Variants in LUC7L2 observed in about 807,000 individuals in gnomAD.
LUC7L2 encodes the protein putative RNA-binding protein Luc7-like 2.
A neutral mutation model predicts 52.8 loss-of-function variants in LUC7L2; 25 were observed. That is an observed-to-expected ratio of 0.47 (90% confidence interval 0.34 to 0.66). The LOEUF is 0.66. Ranked by LOEUF, LUC7L2 falls within the 30% of genes least tolerant of loss-of-function variation. The pLI is 0.01. For synonymous variants in LUC7L2, 144 were observed against 160.9 expected (o/e 0.89, Z 0.80); for missense variants, 328 against 497.8 (o/e 0.66, Z 3.25).
At chr7:139,404,478 C>T (rs1362463672) in intron 4 of LUC7L2, among the ~76,000 whole-genome samples, 1 of 152,202 alleles carries the variant, frequency 6.6e-6, no homozygotes, top group African/African-American at 2.4e-5. Flanking sequence ...CACTGCACTC[C>T]AGCCTGGGCG....
intron 9 of LUC7L2, among the ~76,000 whole-genome samples, chr7:139,419,527 A>C (rs1002170664): frequency 3.9e-5 from 6 of 152,238 alleles, no homozygotes; most frequent in African/African-American, 1.4e-4. Flanking sequence ...TTATCTGCAC[A>C]ATGAATTTTC....
At chr7:139,381,719 GAC>G (rs553086909) in intron 2 of LUC7L2, among the ~76,000 whole-genome samples, 133 of 151,420 alleles carry the variant, frequency 8.8e-4, no homozygotes, top group Middle Eastern at 7.0e-3. Context: ...TGAGATTACA[GAC>G]ACACGCCACC....
At chr7:139,394,707 G>T (rs1464708319) in intron 2 of LUC7L2, among the ~76,000 whole-genome samples, 1 of 152,182 alleles carries the variant, frequency 6.6e-6, no homozygotes, top group African/African-American at 2.4e-5. Flanking sequence ...AATCTCTGTG[G>T]TGAGCTTTCT....
chr7:139,387,738 G>A (rs1028197793), intron 2 of LUC7L2, among the ~76,000 whole-genome samples: 3 of 152,022 alleles, frequency 2.0e-5, no homozygotes, highest in African/African-American at 7.3e-5. Flanking sequence ...TGAATAAATC[G>A]TATAAGTTGT....
chr7:139,351,966 G>A (rs1799471099), intron 1 of LUC7L2, among the ~76,000 whole-genome samples: 1 of 151,834 alleles, frequency 6.6e-6, no homozygotes, highest in Non-Finnish European at 1.5e-5. Context: ...AGGCCTGGAT[G>A]GGAGGACTGC....
At chr7:139,400,810 GTTGTGA>G (rs1363394371) in intron 3 of LUC7L2, among the ~76,000 whole-genome samples, 1 of 151,996 alleles carries the variant, frequency 6.6e-6, no homozygotes. Context: ...ATAGATTTCT[GTTGTGA>G]TTTAAAAATT....
At chr7:139,366,715 TC>T (rs1800175246) in intron 1 of LUC7L2, among the ~76,000 whole-genome samples, 1 of 152,222 alleles carries the variant, frequency 6.6e-6, no homozygotes, top group Non-Finnish European at 1.5e-5. Flanking sequence ...AGCTTGTTGA[TC>T]ACCATTCTGG....
chr7:139,411,260 A>C (rs1795348540), intron 7 of LUC7L2, among the ~76,000 whole-genome samples: 1 of 152,242 alleles, frequency 6.6e-6, no homozygotes, highest in Admixed American at 6.5e-5. Flanking sequence ...AACATTAAAA[A>C]AAAGTCGTTG....
At position 139,422,956 on chromosome 7, in the gene LUC7L2, T is replaced by C; in HGVS notation, c.*616T>C. 2.5e-6 allele frequency: 1 copy of C among 398,874 alleles called. No homozygotes were observed. Among genetic ancestry groups the C allele is most frequent in the South Asian group, 1.3e-4 (1 of 7,858 alleles). 24.7% of individuals were successfully genotyped at this position (398,874 alleles called of 1,614,324 possible). On this transcript the variant is annotated 3_prime_UTR_variant, in exon 10 of 10. Transcript: ENST00000354926. Reference sequence around the variant, plus strand: ...GAACAGCTGTTGCATTACATACTTTTGCTTTTTTATTGAAATTTTGAAATC... The same window carrying C: ...GAACAGCTGTTGCATTACATACTTTCGCTTTTTTATTGAAATTTTGAAATC...
At chr7:139,396,973 A>G (rs551663703) in intron 2 of LUC7L2, among the ~76,000 whole-genome samples, 1 of 152,258 alleles carries the variant, frequency 6.6e-6, no homozygotes, top group South Asian at 2.1e-4. Context: ...GATCTCGTGC[A>G]TTAGCTATCC....
chr7:139,400,251 A>C (rs929325882), intron 3 of LUC7L2, among the ~76,000 whole-genome samples: 2 of 152,140 alleles, frequency 1.3e-5, no homozygotes, highest in Non-Finnish European at 2.9e-5. Context: ...GGGAGGCTGT[A>C]ATCCCAGCAC....
At chr7:139,385,674 A>G (rs956304140) in intron 2 of LUC7L2, among the ~76,000 whole-genome samples, 1 of 152,202 alleles carries the variant, frequency 6.6e-6, no homozygotes, top group African/African-American at 2.4e-5. Context: ...ATTCCCAAAC[A>G]AAGTAGGAGG....
chr7:139,359,021 G>A (rs761944384), upstream of LUC7L2: 6 of 152,238 alleles, frequency 3.9e-5, no homozygotes, highest in Non-Finnish European at 8.8e-5. Flanking sequence ...AGAAACACCA[G>A]GGAAAGGCTC....
chr7:139,412,457 G>A (rs188537932), intron 7 of LUC7L2, 94 bp from the exon 8 acceptor site: 2 of 1,439,248 alleles, frequency 1.4e-6, no homozygotes, highest in East Asian at 2.4e-5. Flanking sequence ...TAAAATTAAT[G>A]TAAACATTAG....
At chr7:139,402,364 T>G in intron 4 of LUC7L2, 117 bp downstream of exon 4, 1 of 1,021,930 alleles carries the variant, frequency 9.8e-7, no homozygotes, top group Non-Finnish European at 1.4e-6. Flanking sequence ...CAAGGAATTC[T>G]GTATACTTTC....
chr7:139,355,348 CA>C (rs770752852), upstream of LUC7L2, among the ~76,000 whole-genome samples: 6 of 150,642 alleles, frequency 4.0e-5, no homozygotes, highest in Non-Finnish European at 7.4e-5. Flanking sequence ...TATTTCTATA[CA>C]TTTTTTTTTT....
At chr7:139,360,519 C>A (rs1799819437) in intron 1 of LUC7L2, among the ~76,000 whole-genome samples, 197 bp downstream of exon 1, 1 of 152,130 alleles carries the variant, frequency 6.6e-6, no homozygotes, top group Non-Finnish European at 1.5e-5. Context: ...TGCGGATTGG[C>A]GGGAACTGCT....
intron 1 of LUC7L2, among the ~76,000 whole-genome samples, chr7:139,364,731 C>T (rs1292544797): frequency 6.6e-6 from 1 of 152,210 alleles, no homozygotes; most frequent in Non-Finnish European, 1.5e-5. Flanking sequence ...TTCTGCCTTT[C>T]TGCAAAATTA....
chr7:139,362,953 A>G (rs968541286), intron 1 of LUC7L2, among the ~76,000 whole-genome samples: 3 of 152,208 alleles, frequency 2.0e-5, no homozygotes, highest in Non-Finnish European at 2.9e-5. Flanking sequence ...TAGGAGTAGG[A>G]ATTTTGTTAG....
Sources: gnomAD v4.1 joint callset for allele counts (sites outside exome capture counted in the v4.1 genomes callset) on GRCh38, gnomAD v4.1.1 for gene constraint, MANE v1.5 for transcripts, NCBI Gene and HGNC (gene_info 2026-07-23, HGNC 2026-07-21) for gene names.